The following XIRP2 variants were observed in gnomAD, a reference collection of about 807,000 sequenced individuals.
XIRP2 encodes the protein xin actin-binding repeat-containing protein 2.
Under a neutral mutation model 277.0 loss-of-function variants are expected in XIRP2, and 236 were observed. The observed-to-expected ratio is 0.85, with a 90% confidence interval of 0.77 to 0.95. The LOEUF is 0.95. Ranked by LOEUF, XIRP2 falls within the 40% of genes least tolerant of loss-of-function variation. XIRP2 has a pLI of 0.00. For missense variants in XIRP2, 4,640 were observed against 4,157.5 expected (o/e 1.12, Z -3.19); for synonymous variants, 1,490 against 1,416.5 (o/e 1.05, Z -1.17).
intron 5 of XIRP2, among the ~76,000 whole-genome samples, chr2:167,232,841 A>G (rs1018434953): frequency 6.6e-6 from 1 of 151,836 alleles, no homozygotes; most frequent in Non-Finnish European, 1.5e-5. Flanking sequence ...AGGAAGGCTG[A>G]CTCTAGAGGC....
intron 2 of XIRP2, among the ~76,000 whole-genome samples, chr2:166,985,123 C>A (rs1686967939): frequency 6.6e-6 from 1 of 152,154 alleles, no homozygotes; most frequent in South Asian, 2.1e-4. Context: ...ATAATAAAAA[C>A]AGTGGTTGGG....
chr2:167,031,694 C>T (rs1173821781), intron 2 of XIRP2, among the ~76,000 whole-genome samples: 1 of 151,986 alleles, frequency 6.6e-6, no homozygotes, highest in East Asian at 1.9e-4. Context: ...GAGTGAACTC[C>T]CATTCACAAT....
At chr2:167,197,715 A>T (rs1693558628) in intron 3 of XIRP2, among the ~76,000 whole-genome samples, 1 of 152,008 alleles carries the variant, frequency 6.6e-6, no homozygotes, top group African/African-American at 2.4e-5. Flanking sequence ...CTTCTTTAAC[A>T]CTGTGAAAGC....
At chr2:166,929,361 C>T (rs568642998) in intron 2 of XIRP2, among the ~76,000 whole-genome samples, 12 of 152,064 alleles carry the variant, frequency 7.9e-5, no homozygotes, top group Non-Finnish European at 1.3e-4. Flanking sequence ...AAATCCCCAC[C>T]TTCAGTCACG....
At chr2:167,036,440 T>C (rs1243373138) in intron 2 of XIRP2, among the ~76,000 whole-genome samples, 1 of 152,172 alleles carries the variant, frequency 6.6e-6, no homozygotes, top group Non-Finnish European at 1.5e-5. Flanking sequence ...CCTCACTGGA[T>C]TTCAGACTTG....
At chr2:167,140,174 T>C (rs1372779243) in intron 3 of XIRP2, among the ~76,000 whole-genome samples, 1 of 152,216 alleles carries the variant, frequency 6.6e-6, no homozygotes, top group African/African-American at 2.4e-5. Context: ...AAAAATATAA[T>C]TTCAACTGTG....
intron 2 of XIRP2, among the ~76,000 whole-genome samples, chr2:167,076,391 T>C (rs1689573991): frequency 6.6e-6 from 1 of 152,184 alleles, no homozygotes; most frequent in Admixed American, 6.5e-5. Flanking sequence ...GGTGAGTAAA[T>C]TGTCATAAAA....
intron 3 of XIRP2, among the ~76,000 whole-genome samples, chr2:167,183,940 A>T (rs1195219576): frequency 1.2e-4 from 19 of 152,080 alleles, no homozygotes; most frequent in Admixed American, 1.0e-3. Context: ...TTATTTATTT[A>T]TTTTTTTGAG....
At chr2:166,910,539 T>C (rs1455275091) in intron 2 of XIRP2, among the ~76,000 whole-genome samples, 3 of 152,146 alleles carry the variant, frequency 2.0e-5, no homozygotes, top group African/African-American at 7.2e-5. Context: ...GTCTATCAAT[T>C]TTGTCGATCC....
intron 2 of XIRP2, among the ~76,000 whole-genome samples, chr2:166,955,414 G>A (rs1019894136): frequency 3.3e-5 from 5 of 151,738 alleles, no homozygotes; most frequent in African/African-American, 4.8e-5. Context: ...AAGAGGTTGT[G>A]AGTATGAGGG....
intron 2 of XIRP2, among the ~76,000 whole-genome samples, chr2:167,094,798 G>A (rs555134236): frequency 3.3e-5 from 5 of 152,210 alleles, no homozygotes; most frequent in East Asian, 3.9e-4. Context: ...TTGGCAATGC[G>A]GGCTCTTTTT....
intron 3 of XIRP2, among the ~76,000 whole-genome samples, chr2:167,167,597 T>C (rs1213362732): frequency 6.6e-6 from 1 of 152,150 alleles, no homozygotes; most frequent in Non-Finnish European, 1.5e-5. Flanking sequence ...ATGGGTAGTA[T>C]GGGTAGTGCA....
At chr2:167,057,655 G>C (rs1285739840) in intron 2 of XIRP2, among the ~76,000 whole-genome samples, 1 of 152,122 alleles carries the variant, frequency 6.6e-6, no homozygotes, top group Non-Finnish European at 1.5e-5. Context: ...TTGGCATGTC[G>C]ACAGTTTACA....
At chr2:166,966,216 T>C (rs1463287827) in intron 2 of XIRP2, among the ~76,000 whole-genome samples, 12 of 151,816 alleles carry the variant, frequency 7.9e-5, no homozygotes. Flanking sequence ...TTTAAAAACT[T>C]AATTTGCATT....
chr2:167,244,596 A>T lies in XIRP2; in HGVS notation c.3204A>T (p.Lys1068Asn). The T allele has an allele frequency of 6.2e-7, 1 of 1,612,734 alleles. No homozygotes were observed. The highest frequency in any genetic ancestry group is 8.5e-7 in the Non-Finnish European group (1 of 1,179,416). ...AAACCCAACCTCTTGATTCAATTAA[A>T]TATTTTAGTGATGTGGAAGAAACAG... Reference protein sequence around the residue: ...LFETQPLDSIKYFSDVEETES... With the variant: ...LFETQPLDSINYFSDVEETES... The change falls in exon 9 of 11, where the codon AAA (lysine) becomes AAT (asparagine). Residue 1068 changes from lysine to asparagine, a missense_variant. Transcript: ENST00000409195.
At chr2:166,955,227 A>G (rs1686131735) in intron 2 of XIRP2, among the ~76,000 whole-genome samples, 1 of 151,900 alleles carries the variant, frequency 6.6e-6, no homozygotes, top group Non-Finnish European at 1.5e-5. Flanking sequence ...AAAACTATTC[A>G]GCCATAAGAA....
At chr2:167,165,924 C>G (rs1296412656) in intron 3 of XIRP2, among the ~76,000 whole-genome samples, 1 of 152,130 alleles carries the variant, frequency 6.6e-6, no homozygotes, top group Admixed American at 6.5e-5. Flanking sequence ...CCTAGGTCAT[C>G]TAGATTTTGT....
At chr2:166,959,698 A>C (rs1686253024) in intron 2 of XIRP2, among the ~76,000 whole-genome samples, 1 of 151,782 alleles carries the variant, frequency 6.6e-6, no homozygotes, top group African/African-American at 2.4e-5. Context: ...CCTCTTGTTC[A>C]TTCTTTGGAG....
At chr2:167,009,362 A>G (rs921130403) in intron 2 of XIRP2, among the ~76,000 whole-genome samples, 5 of 151,274 alleles carry the variant, frequency 3.3e-5, no homozygotes, top group African/African-American at 1.2e-4. Context: ...ATGCTTTCCA[A>G]TTTCATCCAT....
Sources: allele counts gnomAD v4.1 joint callset (sites outside exome capture counted in the v4.1 genomes callset), GRCh38; gene constraint gnomAD v4.1.1; transcripts MANE v1.5; gene names NCBI Gene and HGNC (gene_info 2026-07-23, HGNC 2026-07-21).